Variants in DPP10 observed in about 807,000 individuals in gnomAD.
DPP10 encodes dipeptidyl peptidase like 10.
A neutral mutation model predicts 120.9 loss-of-function variants in DPP10; 33 were observed. The observed-to-expected ratio is 0.27, with a 90% CI of 0.21 to 0.37. DPP10 has a LOEUF of 0.37. Ranked by LOEUF, DPP10 falls within the 10% of genes least tolerant of loss-of-function variation. The pLI is 1.00. For missense variants in DPP10, 816 were observed against 942.8 expected (o/e 0.87, Z 1.76); for synonymous variants, 337 against 326.1 (o/e 1.03, Z -0.36).
At chr2:115,417,381 A>G (rs1056592519) in intron 3 of DPP10, among the ~76,000 whole-genome samples, 4 of 152,168 alleles carry the variant, frequency 2.6e-5, no homozygotes, top group Non-Finnish European at 5.9e-5. Context: ...AAAAAACTCA[A>G]TTTGGAGGAA....
In DPP10 at chr2:115,027,492, A is replaced by G. The variant is rs556908282; in HGVS notation, c.61-281747A>G. Among the ~76,000 whole-genome samples, 9 of 152,272 alleles carry G rather than the reference A, an allele frequency of 5.9e-5. No homozygotes were observed. In the South Asian group the frequency reaches 1.7e-3, roughly 28 times the overall value. ...ACTTATTTCACCTGGCATGAATATC[A>G]TGGTGAATTATCTTTTTAACATGCT... On this transcript the variant is annotated intron_variant, in intron 1 of 25. Coordinates refer to ENST00000410059, the MANE Select transcript of DPP10 (RefSeq NM_020868.6).
chr2:115,351,931 A>G (rs1175156399), intron 3 of DPP10, among the ~76,000 whole-genome samples: 1 of 152,098 alleles, frequency 6.6e-6, no homozygotes, highest in East Asian at 1.9e-4. Context: ...AATCTTACAT[A>G]CTAACTACGA....
chr2:115,341,606 C>G (rs938863978), intron 2 of DPP10, among the ~76,000 whole-genome samples: 2 of 152,172 alleles, frequency 1.3e-5, no homozygotes, highest in Admixed American at 6.5e-5. Context: ...TTCACCTGCT[C>G]ATTCCTTCCC....
chr2:115,678,907 A>C (rs1162594179), intron 5 of DPP10, among the ~76,000 whole-genome samples: 1 of 152,208 alleles, frequency 6.6e-6, no homozygotes, highest in African/African-American at 2.4e-5. Context: ...TTAAGGTTTA[A>C]TGAATGCCCT....
At chr2:115,625,488 C>T (rs755649758) in intron 5 of DPP10, among the ~76,000 whole-genome samples, 4 of 152,038 alleles carry the variant, frequency 2.6e-5, no homozygotes, top group Non-Finnish European at 5.9e-5. Flanking sequence ...TGGAGCTACT[C>T]CATTCTGAGG....
At chr2:115,387,882 A>G (rs2067056579) in intron 3 of DPP10, among the ~76,000 whole-genome samples, 1 of 152,130 alleles carries the variant, frequency 6.6e-6, no homozygotes, top group South Asian at 2.1e-4. Context: ...TAAATCAACA[A>G]TATGTTGATA....
chr2:115,787,123 C>T (rs1045497899), intron 17 of DPP10, among the ~76,000 whole-genome samples: 2 of 152,176 alleles, frequency 1.3e-5, no homozygotes, highest in African/African-American at 4.8e-5. Context: ...GTCAACCTGC[C>T]TGCAACATAT....
Position 115,757,273 on chromosome 2 carries a change from G to A in DPP10, c.1074+3976G>A, listed in dbSNP as rs139444081. Among the ~76,000 whole-genome samples the A allele has an allele frequency of 9.5e-4, 144 of 152,028 alleles. 1 individual carries two copies. The East Asian group carries it at 0.023, about 24-fold the overall frequency. On this transcript the variant is annotated intron_variant, in intron 11 of 25. Coordinates refer to ENST00000410059, the MANE Select transcript of DPP10 (RefSeq NM_020868.6). ...TTAGACTGATCTCTCTCATTAACAC[G>A]TGTAATAGTCTGTTTTCATGCTGCT...
At chr2:115,289,229 A>T (rs2105915910) in intron 1 of DPP10, among the ~76,000 whole-genome samples, 1 of 152,204 alleles carries the variant, frequency 6.6e-6, no homozygotes, top group East Asian at 1.9e-4. Context: ...AATATGCTTA[A>T]CTAAGGAGGT....
chr2:115,532,148 T>A (rs2078508254), intron 5 of DPP10, among the ~76,000 whole-genome samples: 2 of 152,070 alleles, frequency 1.3e-5, no homozygotes, highest in Admixed American at 6.6e-5. Flanking sequence ...TTCAAAAAAA[T>A]ATTATTTAAG....
intron 1 of DPP10, among the ~76,000 whole-genome samples, chr2:114,783,671 T>TA (rs1682522304): frequency 6.6e-6 from 1 of 151,882 alleles, no homozygotes; most frequent in Admixed American, 6.6e-5. Context: ...AACCCATCTC[T>TA]AAAAATGCAA....
At position 115,468,193 on chromosome 2, in the gene DPP10, C is replaced by T. The variant is rs1351662223; in HGVS notation, c.272-31317C>T. Reference sequence around the variant, plus strand: ...TCTGGAAAAGGAAAAGTGATGGCATCTATATCCTAAATCTGAAGAGGACTC... The same window carrying T: ...TCTGGAAAAGGAAAAGTGATGGCATTTATATCCTAAATCTGAAGAGGACTC... On this transcript the variant is annotated intron_variant, in intron 3 of 25. Coordinates refer to ENST00000410059, the MANE Select transcript of DPP10 (RefSeq NM_020868.6). The T allele has an allele frequency of 1.0e-5, 5 of 493,940 alleles. No individual in the cohort carries two copies. In the Admixed American group the frequency reaches 1.0e-4, roughly 10 times the overall value. The allele number at this position is 493,940 out of a possible 1,614,324, so 30.6% of individuals were successfully genotyped here. A position where few individuals can be genotyped will look rare whatever the true frequency, so the allele number is the denominator to read the frequency against.
chr2:114,454,173 C>A (rs889600435), intron 1 of DPP10, among the ~76,000 whole-genome samples: 4 of 151,954 alleles, frequency 2.6e-5, no homozygotes, highest in East Asian at 1.9e-4. Context: ...GGTGAAGAAT[C>A]GGGAGAGAAA....
intron 1 of DPP10, among the ~76,000 whole-genome samples, chr2:114,832,192 T>G (rs934609473): frequency 7.9e-5 from 12 of 152,318 alleles, no homozygotes; most frequent in Non-Finnish European, 1.0e-4. Context: ...AGTATGTTCT[T>G]AAATAGACTA....
At chr2:115,082,956 A>G (rs976607816) in intron 1 of DPP10, among the ~76,000 whole-genome samples, 2 of 152,198 alleles carry the variant, frequency 1.3e-5, no homozygotes, top group African/African-American at 4.8e-5. Context: ...TTAAAATTAA[A>G]TCTCTCTCAG....
chr2:115,843,754 C>T lies in DPP10; in HGVS notation c.*1409C>T, dbSNP rs1346147715. 6.6e-6 allele frequency: 1 copy of T among 152,220 alleles called. No individual in the cohort carries two copies. Among genetic ancestry groups the T allele is most frequent in the Non-Finnish European group, 1.5e-5 (1 of 68,014 alleles). 9.4% of individuals were successfully genotyped at this position (152,220 alleles called of 1,614,324 possible). A position where few individuals can be genotyped will look rare whatever the true frequency, so the allele number is the denominator to read the frequency against. On this transcript the variant is annotated 3_prime_UTR_variant, in exon 26 of 26. Coordinates refer to ENST00000410059, the MANE Select transcript of DPP10 (RefSeq NM_020868.6). ...TTGGTGACTAAAGTCAGAATATCTT[C>T]TCACTTCACTTAAGGGATCTTCCAG...
chr2:114,832,933 T>C (rs1467447279), intron 1 of DPP10, among the ~76,000 whole-genome samples: 1 of 152,178 alleles, frequency 6.6e-6, no homozygotes, highest in Non-Finnish European at 1.5e-5. Flanking sequence ...AAAATGTAAC[T>C]AAATATGTAT....
intron 5 of DPP10, among the ~76,000 whole-genome samples, chr2:115,573,580 C>A (rs1162200660): frequency 1.6e-5 from 2 of 126,282 alleles, no homozygotes; most frequent in Non-Finnish European, 3.3e-5. Context: ...CTGCGCCCGG[C>A]CTTTTTTTTT....
At chr2:114,496,030 C>T (rs1239293222) in intron 1 of DPP10, among the ~76,000 whole-genome samples, 1 of 152,118 alleles carries the variant, frequency 6.6e-6, no homozygotes, top group Non-Finnish European at 1.5e-5. Context: ...AAATATAAAC[C>T]ATATCAGATA....
Sources: gnomAD v4.1 joint callset for allele counts (sites outside exome capture counted in the v4.1 genomes callset) on GRCh38, gnomAD v4.1.1 for gene constraint, MANE v1.5 for transcripts, NCBI Gene and HGNC (gene_info 2026-07-23, HGNC 2026-07-21) for gene names.